ZBTB5: variants seen among roughly 807,000 people sequenced by gnomAD.
The protein encoded by ZBTB5 is zinc finger and BTB domain containing 5.
ZBTB5 carries 15 observed loss-of-function variants against 37.9 expected under a neutral mutation model. The observed-to-expected ratio is 0.40, with a 90% CI of 0.26 to 0.61. ZBTB5 has a LOEUF of 0.61. ZBTB5 is among the 20% of genes least tolerant of loss of function. The probability of loss-of-function intolerance (pLI) is 0.47; values close to 1 mark genes in which losing one functional copy is unlikely to be tolerated. For missense variants in ZBTB5, 708 were observed against 856.8 expected, an observed-to-expected ratio of 0.83 and a Z score of 2.17; for synonymous variants, 315 against 312.4, an observed-to-expected ratio of 1.01 and a Z score of -0.09.
chr9:37,444,626 G>A (rs889151973), intron 1 of ZBTB5, among the ~76,000 whole-genome samples: 2 of 152,162 alleles, frequency 1.3e-5, no homozygotes, highest in African/African-American at 4.8e-5. Context: ...GAATAAAATT[G>A]GCATTCGTCT....
chr9:37,445,192 T>A (rs1286554306), intron 1 of ZBTB5, among the ~76,000 whole-genome samples: 1 of 151,732 alleles, frequency 6.6e-6, no homozygotes, highest in African/African-American at 2.4e-5. Context: ...AAACCGAATG[T>A]GAGATATTGG....
chr9:37,458,814 G>C (rs560715162), intron 1 of ZBTB5, among the ~76,000 whole-genome samples: 22 of 152,254 alleles, frequency 1.4e-4, no homozygotes, highest in Middle Eastern at 3.4e-3. Flanking sequence ...TATAAAACAA[G>C]GTATGGGTAA....
At chr9:37,454,566 C>T (rs1216641212) in intron 1 of ZBTB5, among the ~76,000 whole-genome samples, 1 of 152,202 alleles carries the variant, frequency 6.6e-6, no homozygotes, top group Non-Finnish European at 1.5e-5. Flanking sequence ...TAAGAAAATA[C>T]ACTCTCATTA....
Position 37,441,296 on chromosome 9 carries a change from T to A in ZBTB5, c.1256A>T (p.Asn419Ile). The A allele has an allele frequency of 1.2e-6, 2 of 1,614,188 alleles. No individual in the cohort carries two copies. The highest frequency in any genetic ancestry group is 1.7e-6 in the Non-Finnish European group (2 of 1,180,036). Reference protein sequence around the residue: ...ISNFLNKSRGNNFTANQNNDD... With the variant: ...ISNFLNKSRGINFTANQNNDD... The stretch of plus-strand genomic sequence containing the variant: ...ATTGTTCTGATTTGCAGTAAAGTTA[T>A]TTCCTCTGCTCTTGTTAAGAAAATT... The change falls in exon 2 of 2, where the codon AAT becomes ATT. Residue 419 changes from asparagine to isoleucine, a missense_variant. Transcript: ENST00000307750.
At position 37,459,024 on chromosome 9, in the gene ZBTB5, C is replaced by T. The variant is rs140687214; in HGVS notation, c.-5+6191G>A. On this transcript the variant is annotated intron_variant, in intron 1 of 1. Transcript: ENST00000307750. ...TGAAATAATCCTCCCTTTCCAACTA[C>T]ATATTTGTGTGATGCTGGAGTTTTT... Among the ~76,000 whole-genome samples the T allele has an allele frequency of 5.0e-3, 760 of 152,316 alleles. 3 individuals carry two copies. The highest frequency in any genetic ancestry group is 0.017 in the African/African-American group (724 of 41,568).
intron 1 of ZBTB5, among the ~76,000 whole-genome samples, chr9:37,449,126 T>C (rs1824050857): frequency 6.6e-6 from 1 of 152,180 alleles, no homozygotes; most frequent in South Asian, 2.1e-4. Context: ...GGCTTACACC[T>C]GTAAAACTAG....
intron 1 of ZBTB5, among the ~76,000 whole-genome samples, chr9:37,445,320 A>C (rs1445459983): frequency 6.6e-6 from 1 of 152,116 alleles, no homozygotes; most frequent in Non-Finnish European, 1.5e-5. Flanking sequence ...AGGTTATCTC[A>C]AAAAATAGTA....
intron 1 of ZBTB5, among the ~76,000 whole-genome samples, chr9:37,443,356 T>A (rs1033689814): frequency 1.1e-4 from 17 of 150,216 alleles, no homozygotes; most frequent in Middle Eastern, 3.5e-3. Flanking sequence ...AACACTAAAG[T>A]TTTTGTTTAA....
rs1361197417 is a variant in ZBTB5, at chr9:37,441,745, A to G, written c.807T>C (p.Asp269=). 8.1e-6 allele frequency: 13 copies of G among 1,613,894 alleles called. No individual in the cohort carries two copies. Among genetic ancestry groups the G allele is most frequent in the South Asian group, 2.2e-5 (2 of 91,074 alleles). ...TATCAGACTGGCTGGGCACCTGGGC[A>G]TCTTCTTGAGTGCCAAAAGACTGAT... The part of the protein sequence containing the change: ...MFDQSFGTQE[D]AQVPSQSDNS... The change falls in exon 2 of 2, where the codon GAT becomes GAC. Residue 269 remains aspartate (D), a synonymous_variant. Coordinates refer to ENST00000307750, the MANE Select transcript of ZBTB5 (RefSeq NM_014872.3).
chr9:37,458,713 T>C (rs930439258), intron 1 of ZBTB5, among the ~76,000 whole-genome samples: 1 of 152,208 alleles, frequency 6.6e-6, no homozygotes, highest in Non-Finnish European at 1.5e-5. Context: ...TTTTTTTACA[T>C]TGTATAATAA....
rs760177169 is a variant in ZBTB5, at chr9:37,441,307, CTTG to C, written c.1242_1244del (p.Asn414del). The C allele has an allele frequency of 6.6e-5, 106 of 1,613,956 alleles. No individual in the cohort carries two copies. The highest frequency in any genetic ancestry group is 8.1e-5 in the Non-Finnish European group (95 of 1,180,030). ...TTGCAGTAAAGTTATTTCCTCTGCTCTTGTTAAGAAAATTCGAAATACTAAAAG... is the reference window on the plus strand; with the variant it reads ...TTGCAGTAAAGTTATTTCCTCTGCTCTTAAGAAAATTCGAAATACTAAAAG... On this transcript the variant is annotated inframe_deletion, in exon 2 of 2. Coordinates refer to ENST00000307750, the MANE Select transcript of ZBTB5 (RefSeq NM_014872.3).
intron 1 of ZBTB5, among the ~76,000 whole-genome samples, chr9:37,461,790 A>C (rs1029663484): frequency 8.5e-5 from 13 of 152,240 alleles, no homozygotes; most frequent in Non-Finnish European, 1.9e-4. Context: ...ATACAAAGTA[A>C]CAGATTACCA....
intron 1 of ZBTB5, among the ~76,000 whole-genome samples, chr9:37,461,818 G>A (rs1824298830): frequency 1.3e-5 from 2 of 152,130 alleles, no homozygotes; most frequent in African/African-American, 4.8e-5. Context: ...TTTCCAAAAA[G>A]TAGACCTATC....
chr9:37,453,349 G>A (rs1013029820), intron 1 of ZBTB5, among the ~76,000 whole-genome samples: 2 of 151,040 alleles, frequency 1.3e-5, no homozygotes, highest in South Asian at 2.1e-4. Flanking sequence ...ACCACACGCA[G>A]CTTTTTTTTT....
chr9:37,450,814 G>A (rs983913480), intron 1 of ZBTB5, among the ~76,000 whole-genome samples: 3 of 150,678 alleles, frequency 2.0e-5, no homozygotes, highest in East Asian at 1.9e-4. Flanking sequence ...GCAGTGAGCC[G>A]AGATCACACC....
rs767934326 is a variant in ZBTB5 at position 37,442,127 on chromosome 9, C to T, written c.425G>A (p.Arg142His). ...RVQEQSARMQ[R>H]SFMLQQLGLS... is the part of the protein sequence containing the mutation. Reference sequence around the variant, plus strand: ...TCCCAGCTGCTGTAGCATAAAGGAGCGCTGCATGCGGGCGCTCTGCTCCTG... The same window carrying T: ...TCCCAGCTGCTGTAGCATAAAGGAGTGCTGCATGCGGGCGCTCTGCTCCTG... Residue 142 changes from arginine (R) to histidine (H), a missense_variant, in exon 2 of 2, where the codon CGC (arginine) becomes CAC (histidine). This residue lies in a region of ZBTB5 where 639 missense variants were observed against 690.5 expected (regional missense o/e 0.93). Coordinates refer to ENST00000307750, the MANE Select transcript of ZBTB5 (RefSeq NM_014872.3). 4.3e-6 allele frequency: 7 copies of T among 1,614,038 alleles called. No homozygotes were observed. Among genetic ancestry groups the T allele is most frequent in the East Asian group, 2.2e-5 (1 of 44,900 alleles).
chr9:37,462,501 C>A (rs1422939177), intron 1 of ZBTB5, among the ~76,000 whole-genome samples: 1 of 151,942 alleles, frequency 6.6e-6, no homozygotes, highest in Non-Finnish European at 1.5e-5. Flanking sequence ...ATATCTACCC[C>A]TTTCCTAATT....
At chr9:37,459,954 T>C (rs556510654) in intron 1 of ZBTB5, among the ~76,000 whole-genome samples, 2 of 148,298 alleles carry the variant, frequency 1.3e-5, no homozygotes, top group South Asian at 4.3e-4. Context: ...TCATGATCTG[T>C]CCGTCTCGGC....
chr9:37,441,001 G>A lies in ZBTB5; in HGVS notation c.1551C>T (p.Phe517=), dbSNP rs41278303. 705 of 1,614,186 alleles carry A rather than the reference G, an allele frequency of 4.4e-4. No homozygotes were observed. Among genetic ancestry groups the A allele is most frequent in the Non-Finnish European group, 5.9e-4 (693 of 1,180,024 alleles). Residue 517 remains phenylalanine (F), a synonymous_variant, in exon 2 of 2, where the codon TTC becomes TTT. Coordinates refer to ENST00000307750, the MANE Select transcript of ZBTB5 (RefSeq NM_014872.3). The part of the protein sequence containing the change: ...SRSGLGLHSS[F]SRVMIGSPRG... ...TTGGGGAACCTATCATTACCCTGGA[G>A]AAGGAGGAGTGGAGGCCCAAACCAG...
Sources: gnomAD v4.1 joint callset for allele counts (sites outside exome capture counted in the v4.1 genomes callset) on GRCh38, gnomAD v4.1.1 for gene constraint, gnomAD v4.1.1 regional missense constraint, MANE v1.5 for transcripts, NCBI Gene and HGNC (gene_info 2026-07-23, HGNC 2026-07-21) for gene names.